RTL4: variants seen among roughly 807,000 people sequenced by gnomAD.
RTL4 encodes the protein retrotransposon Gag like 4, also known as retrotransposon Gag-like protein 4.
Under a neutral mutation model 5.3 loss-of-function variants are expected in RTL4, and 4 were observed. That is an observed-to-expected ratio of 0.75 (90% confidence interval 0.37 to 1.72). RTL4 has a LOEUF of 1.72. Among genes scored for constraint, RTL4 ranks in the 40% most tolerant of loss-of-function variants. The pLI, the probability that RTL4 is intolerant of heterozygous loss-of-function variation, is 0.04. For synonymous variants in RTL4, 98 were observed against 87.3 expected, an observed-to-expected ratio of 1.12 and a Z score of -0.68; for missense variants, 260 against 227.1, an observed-to-expected ratio of 1.14 and a Z score of -0.93.
At chrX:112,346,566 G>A in the RTL4 span, among the ~76,000 whole-genome samples, 5 of 111,412 alleles carry the variant, frequency 4.5e-5, no homozygotes, top group East Asian at 5.6e-4. Context: ...GCTGGGGTTC[G>A]GGGGTGAGAA....
At chrX:112,289,343 G>A in the RTL4 span, among the ~76,000 whole-genome samples, 1 of 112,193 alleles carries the variant, frequency 8.9e-6, no homozygotes, top group South Asian at 3.7e-4. Context: ...AAACAACTAA[G>A]GATTACAATG....
At chrX:112,331,234 G>C in the RTL4 span, among the ~76,000 whole-genome samples, 2 of 106,775 alleles carry the variant, frequency 1.9e-5, no homozygotes, top group Non-Finnish European at 3.9e-5. Context: ...TACAAAATGG[G>C]AGAAAATTTT....
At chrX:112,419,595 T>TTACATATTTATATGTATATATATATA in the RTL4 span, among the ~76,000 whole-genome samples, 1 of 28,158 alleles carries the variant, frequency 3.6e-5, no homozygotes, top group African/African-American at 7.2e-5. Flanking sequence ...ATATATATAT[T>TTACATATTTATATGTATATATATATA]TTTACATATG....
chrX:112,260,624 C>G, the RTL4 span, among the ~76,000 whole-genome samples: 2 of 111,619 alleles, frequency 1.8e-5, no homozygotes, highest in East Asian at 5.6e-4. Flanking sequence ...TTTATTATAT[C>G]CTGTCATCAG....
At chrX:112,120,579 G>GTTTT in the RTL4 span, among the ~76,000 whole-genome samples, 22 of 89,743 alleles carry the variant, frequency 2.5e-4, no homozygotes, top group African/African-American at 1.3e-3. Context: ...GCCCGGCTGG[G>GTTTT]GTTTTTTTTT....
At chrX:112,090,461 T>A in the RTL4 span, among the ~76,000 whole-genome samples, 1 of 111,349 alleles carries the variant, frequency 9.0e-6, no homozygotes, top group Non-Finnish European at 1.9e-5. Flanking sequence ...AAAAGGGTGT[T>A]GAGTTTTGTC....
chrX:112,381,263 G>T, the RTL4 span: 1 of 1,203,370 alleles, frequency 8.3e-7, no homozygotes, highest in African/African-American at 1.8e-5. Context: ...TTGGATTCCA[G>T]GTGCGACTAG....
the RTL4 span, among the ~76,000 whole-genome samples, chrX:112,410,084 TATATC>T: frequency 8.9e-6 from 1 of 112,021 alleles, no homozygotes. Context: ...TAGCTATAGT[TATATC>T]AGACAAAATA....
At chrX:112,360,633 A>G in the RTL4 span, among the ~76,000 whole-genome samples, 1 of 110,201 alleles carries the variant, frequency 9.1e-6, no homozygotes, top group Admixed American at 9.7e-5. Context: ...ATCATACTAT[A>G]TCACTACATA....
chrX:112,186,718 G>A, the RTL4 span, among the ~76,000 whole-genome samples: 1 of 111,917 alleles, frequency 8.9e-6, no homozygotes, highest in Non-Finnish European at 1.9e-5. Context: ...CACCAAGAAA[G>A]TTTGAGCAGG....
At chrX:112,227,046 C>A in the RTL4 span, among the ~76,000 whole-genome samples, 1 of 105,812 alleles carries the variant, frequency 9.5e-6, no homozygotes, top group Non-Finnish European at 1.9e-5. Context: ...GATAGTATAG[C>A]TTTCCCCATA....
chrX:112,452,611 G>T (rs1262085291), upstream of RTL4, among the ~76,000 whole-genome samples: 1 of 111,338 alleles, frequency 9.0e-6, no homozygotes, highest in Admixed American at 9.5e-5. Flanking sequence ...TGTGATAAAG[G>T]CAGAGCCTCT....
chrX:112,321,817 A>G, the RTL4 span, among the ~76,000 whole-genome samples: 1 of 111,420 alleles, frequency 9.0e-6, no homozygotes, highest in East Asian at 2.8e-4. Context: ...TAAATTCCAC[A>G]TCTCATCTTT....
the RTL4 span, among the ~76,000 whole-genome samples, chrX:112,152,183 A>G: frequency 8.9e-6 from 1 of 111,753 alleles, no homozygotes; most frequent in African/African-American, 3.3e-5. Context: ...TTTGCAGGAT[A>G]TAGTACTACG....
the RTL4 span, among the ~76,000 whole-genome samples, chrX:112,349,414 C>A: frequency 9.0e-6 from 1 of 111,122 alleles, no homozygotes; most frequent in Non-Finnish European, 1.9e-5. Flanking sequence ...GTTTTGGTAG[C>A]TTGATGGGGA....
the RTL4 span, among the ~76,000 whole-genome samples, chrX:112,097,526 C>T: frequency 9.0e-6 from 1 of 110,960 alleles, no homozygotes; most frequent in African/African-American, 3.3e-5. Flanking sequence ...GTCCCAGTTA[C>T]TTGGAAGGCT....
At chrX:112,432,953 T>C in the RTL4 span, among the ~76,000 whole-genome samples, 1 of 111,645 alleles carries the variant, frequency 9.0e-6, no homozygotes, top group Non-Finnish European at 1.9e-5. Context: ...TACATATGGC[T>C]AGCCAGTTTT....
downstream of RTL4, chrX:112,457,184 A>C: frequency 8.0e-6 from 1 of 124,620 alleles, no homozygotes. Context: ...ACAATACTTA[A>C]ACCTAACTAG....
chrX:112,294,663 C>CT, the RTL4 span, among the ~76,000 whole-genome samples: 1 of 112,015 alleles, frequency 8.9e-6, no homozygotes, highest in Non-Finnish European at 1.9e-5. Flanking sequence ...CTCAAAACTA[C>CT]TTTTCATATC....
Sources: gnomAD v4.1 joint callset for allele counts (sites outside exome capture counted in the v4.1 genomes callset) on GRCh38, gnomAD v4.1.1 for gene constraint, MANE v1.5 for transcripts, NCBI Gene and HGNC (gene_info 2026-07-23, HGNC 2026-07-21) for gene names.